OBSL1: variants seen among roughly 807,000 people sequenced by gnomAD.
OBSL1 encodes obscurin-like protein 1.
A neutral mutation model predicts 172.0 loss-of-function variants in OBSL1; 160 were observed. The ratio of observed to expected loss-of-function variants is 0.93; its 90% confidence interval spans 0.82 to 1.06. OBSL1 has a LOEUF of 1.06. Ranked by LOEUF, OBSL1 falls within the 50% of genes least tolerant of loss-of-function variation. The pLI is 0.00. For synonymous variants in OBSL1, 1,200 were observed against 1,196.3 expected (o/e 1.00, Z -0.06); for missense variants, 2,681 against 2,715.4 (o/e 0.99, Z 0.28).
Position 219,571,462 on chromosome 2 carries a change from G to C in OBSL1, c.-230C>G, listed in dbSNP as rs1266261428. 9.9e-6 allele frequency: 3 copies of C among 303,318 alleles called. No individual in the cohort carries two copies. The highest frequency in any genetic ancestry group is 1.8e-5 in the Non-Finnish European group (3 of 165,616). 18.8% of individuals were successfully genotyped at this position (303,318 alleles called of 1,614,324 possible). A position where few individuals can be genotyped will look rare whatever the true frequency, so the allele number is the denominator to read the frequency against. ...TCCCGGGCCCGAAGCCTGGCGCTCA[G>C]GGGGCAGTCCTTCCTGTTTGCCTCT... On this transcript the variant is annotated 5_prime_UTR_variant, in exon 1 of 21. Coordinates refer to ENST00000404537, the MANE Select transcript of OBSL1 (RefSeq NM_015311.3).
chr2:219,553,166 G>T, intron 16 of OBSL1, 142 bp from the exon 17 acceptor site: 1 of 1,202,132 alleles, frequency 8.3e-7, no homozygotes, highest in Non-Finnish European at 1.1e-6. Context: ...GGCTGGGGTC[G>T]GACTGTCCCC....
intron 1 of OBSL1, chr2:219,569,381 ATAAC>A (rs2106109175): frequency 6.6e-6 from 1 of 152,356 alleles, no homozygotes; most frequent in East Asian, 1.9e-4. Flanking sequence ...AAACTGGACA[ATAAC>A]TAGTGAAGGT....
Position 219,552,970 on chromosome 2 carries a change from G to C in OBSL1, c.5044C>G (p.Arg1682Gly). The change falls in exon 17 of 21, where the codon CGC (arginine) becomes GGC (glycine). Residue 1682 changes from arginine (R) to glycine (G), a missense_variant. By Grantham distance (125) the Arg-to-Gly change is moderately radical. This residue lies in a region of OBSL1 where 1,765 missense variants were observed against 1,748.3 expected (regional missense o/e 1.01). Transcript: ENST00000404537. ...PRLRLQALGTRRLLQLRRCGP... is the reference protein window; with the variant it reads ...PRLRLQALGTGRLLQLRRCGP... The stretch of plus-strand genomic sequence containing the variant: ...CAGCGTCGCAGCTGGAGAAGGCGGC[G>C]CGTGCCGAGGGCCTGGAGCCGGAGC... The C allele has an allele frequency of 6.5e-7, 1 of 1,531,852 alleles. No individual in the cohort carries two copies. Among genetic ancestry groups the C allele is most frequent in the East Asian group, 2.5e-5 (1 of 39,950 alleles). The allele number at this position is 1,531,852 out of a possible 1,614,324, so 94.9% of individuals were successfully genotyped here.
chr2:219,553,724 G>T (rs754476402), intron 15 of OBSL1, 38 bp from the exon 16 acceptor site: 1 of 1,453,424 alleles, frequency 6.9e-7, no homozygotes, highest in Non-Finnish European at 9.6e-7. Flanking sequence ...AGAGGGAGCA[G>T]GATGGGGACC....
At position 219,570,811 on chromosome 2, in the gene OBSL1, C is replaced by A. The variant is rs950561387; in HGVS notation, c.422G>T (p.Arg141Leu). The A allele has an allele frequency of 2.0e-6, 3 of 1,485,214 alleles. No individual in the cohort carries two copies. The highest frequency in any genetic ancestry group is 1.5e-5 in the African/African-American group (1 of 68,788). The allele number at this position is 1,485,214 out of a possible 1,614,324, so 92.0% of individuals were successfully genotyped here. A position where few individuals can be genotyped will look rare whatever the true frequency, so the allele number is the denominator to read the frequency against. Residue 141 changes from arginine to leucine, a missense_variant, in exon 1 of 21, where the codon CGG becomes CTG. By Grantham distance (102) the Arg-to-Leu change is moderately radical (BLOSUM62 -2). This residue lies in a region of OBSL1 where 706 missense variants were observed against 695.8 expected (regional missense o/e 1.01). Coordinates refer to ENST00000404537, the MANE Select transcript of OBSL1 (RefSeq NM_015311.3). Reference protein sequence around the residue: ...LTGPRSQWVLRGAEVVLTCRA... With the variant: ...LTGPRSQWVLLGAEVVLTCRA... ...GCACGTCAGCACCACCTCCGCCCCC[C>A]GCAGCACCCACTGGGATCGAGGCCC...
rs962586335 is a variant in OBSL1, at chr2:219,550,806, G to A, written c.*29C>T. On this transcript the variant is annotated 3_prime_UTR_variant, in exon 21 of 21. Coordinates refer to ENST00000404537, the MANE Select transcript of OBSL1 (RefSeq NM_015311.3). Reference sequence around the variant, plus strand: ...GGCAAACGCCTTCCAAGCTGTCCAAGGGCACCCGCCTGGCCTGGTTAGGTT... The same window carrying A: ...GGCAAACGCCTTCCAAGCTGTCCAAAGGCACCCGCCTGGCCTGGTTAGGTT... 30 of 1,609,058 alleles carry A rather than the reference G, an allele frequency of 1.9e-5. No homozygotes were observed. The highest frequency in any genetic ancestry group is 2.5e-5 in the Non-Finnish European group (30 of 1,177,904).
Position 219,553,654 on chromosome 2 carries a change from C to T in OBSL1, c.4909G>A (p.Asp1637Asn), listed in dbSNP as rs753356436. ...GTGTCGCCCTCGGTCACCTCTAGGTCGTGTGGCCCCCGCACGATGGTCACT... is the reference window on the plus strand; with the variant it reads ...GTGTCGCCCTCGGTCACCTCTAGGTTGTGTGGCCCCCGCACGATGGTCACT... The part of the protein sequence containing the change: ...VPVTIVRGPH[D>N]LEVTEGDTAT... Residue 1637 changes from aspartate to asparagine, a missense_variant, in exon 16 of 21, where the codon GAC becomes AAC. Physicochemically the swap from Asp to Asn is conservative, Grantham distance 23 (BLOSUM62 1). This residue lies in a region of OBSL1 where 1,765 missense variants were observed against 1,748.3 expected (regional missense o/e 1.01). Transcript: ENST00000404537. The T allele has an allele frequency of 6.2e-7, 1 of 1,613,758 alleles. No individual in the cohort carries two copies. The highest frequency in any genetic ancestry group is 8.5e-7 in the Non-Finnish European group (1 of 1,179,852).
chr2:219,569,675 A>G (rs1317647648), intron 1 of OBSL1, among the ~76,000 whole-genome samples: 1 of 152,224 alleles, frequency 6.6e-6, no homozygotes, highest in Admixed American at 6.5e-5. Flanking sequence ...TCTCAAGGTG[A>G]CAGATGCAGC....
At chr2:219,556,387 C>T (rs1285506873) in intron 13 of OBSL1, 67 bp downstream of exon 13, 2 of 1,594,246 alleles carry the variant, frequency 1.3e-6, no homozygotes, top group East Asian at 4.5e-5. Flanking sequence ...AGAGGCAAGG[C>T]TGCTGGAATC....
Position 219,570,740 on chromosome 2 carries a change from C to T in OBSL1, c.493G>A (p.Gly165Arg), listed in dbSNP as rs1697289004. The stretch of plus-strand genomic sequence containing the variant: ...TCCCACACTTCGTCCAGGGCCATCC[C>T]GTCCTTCTCCCAGTACAGTGTGGGC... ...PEPTLYWEKDGMALDEVWDSS... is the reference protein window; with the variant it reads ...PEPTLYWEKDRMALDEVWDSS... Residue 165 changes from glycine to arginine, a missense_variant, in exon 1 of 21, where the codon GGG becomes AGG. Coordinates refer to ENST00000404537, the MANE Select transcript of OBSL1 (RefSeq NM_015311.3). 1.3e-6 allele frequency: 2 copies of T among 1,510,512 alleles called. No individual in the cohort carries two copies. Among genetic ancestry groups the T allele is most frequent in the Non-Finnish European group, 1.8e-6 (2 of 1,136,510 alleles). The allele number at this position is 1,510,512 out of a possible 1,614,324, so 93.6% of individuals were successfully genotyped here. A position where few individuals can be genotyped will look rare whatever the true frequency, so the allele number is the denominator to read the frequency against.
At chr2:219,562,814 A>T in intron 7 of OBSL1, 140 bp from the exon 8 acceptor site, 2 of 821,316 alleles carry the variant, frequency 2.4e-6, no homozygotes, top group Non-Finnish European at 1.9e-6. Context: ...ACAGCAGCTG[A>T]CAGTTACTCA....
At chr2:219,551,173 GA>G in intron 20 of OBSL1, 1 of 1,391,714 alleles carries the variant, frequency 7.2e-7, no homozygotes, top group Non-Finnish European at 9.3e-7. Flanking sequence ...CAGGAAGGAG[GA>G]GGGACAGGCT....
intron 20 of OBSL1, 99 bp from the exon 21 acceptor site, chr2:219,550,941 C>T (rs1171614143): frequency 1.9e-6 from 3 of 1,554,396 alleles, no homozygotes; most frequent in East Asian, 4.8e-5. Flanking sequence ...AGAGCTGGGC[C>T]CCCAGGTTCT....
At chr2:219,551,177 G>A in intron 20 of OBSL1, 2 of 1,389,996 alleles carry the variant, frequency 1.4e-6, no homozygotes, top group Non-Finnish European at 9.3e-7. Context: ...AAGGAGGAGG[G>A]ACAGGCTGGA....
At chr2:219,561,605 C>A in intron 8 of OBSL1, 1 of 469,970 alleles carries the variant, frequency 2.1e-6, no homozygotes, top group Non-Finnish European at 3.9e-6. Context: ...TGTCTGCGTG[C>A]TGCTGGCTCC....
chr2:219,570,298 T>G lies in OBSL1; in HGVS notation c.935A>C (p.Lys312Thr), dbSNP rs1697244489. ...FVLKVLYCQA[K>T]DRGLYVCAAR... Reference sequence around the variant, plus strand: ...GGCGCAGACGTAGAGCCCACGATCCTTGGCCTGGCAGTAAAGCACCTTGAG... The same window carrying G: ...GGCGCAGACGTAGAGCCCACGATCCGTGGCCTGGCAGTAAAGCACCTTGAG... The change falls in exon 1 of 21, where the codon AAG (lysine) becomes ACG (threonine). Residue 312 changes from lysine to threonine, a missense_variant. Physicochemically the swap from Lys to Thr is moderately conservative, Grantham distance 78 (BLOSUM62 -1). Around this residue, in one of 5 missense-constraint regions of OBSL1, gnomAD observed 706 missense variants for 695.8 expected, o/e 1.01. Transcript: ENST00000404537. 3 of 1,610,126 alleles carry G rather than the reference T, an allele frequency of 1.9e-6. No individual in the cohort carries two copies. The Admixed American group carries it at 5.0e-5, about 27-fold the overall frequency.
At chr2:219,552,737 G>A in intron 17 of OBSL1, 40 bp from the exon 18 acceptor site, 1 of 1,513,828 alleles carries the variant, frequency 6.6e-7, no homozygotes, top group South Asian at 1.2e-5. Flanking sequence ...CGGGGCAGAG[G>A]GCAGTTACCG....
chr2:219,547,400 T>C, downstream of OBSL1: 1 of 917,376 alleles, frequency 1.1e-6, no homozygotes, highest in Non-Finnish European at 1.5e-6. Context: ...TCTTAGTGTC[T>C]TTGTCTCTGG....
At chr2:219,549,368 G>T, downstream of OBSL1, 2 of 1,602,386 alleles carry the variant, frequency 1.2e-6, no homozygotes, top group Non-Finnish European at 1.7e-6. Flanking sequence ...AGCTCCCTGA[G>T]CCCATCCAGC....
Sources: gnomAD v4.1 joint callset for allele counts (sites outside exome capture counted in the v4.1 genomes callset) on GRCh38, gnomAD v4.1.1 for gene constraint, gnomAD v4.1.1 regional missense constraint, MANE v1.5 for transcripts, NCBI Gene and HGNC (gene_info 2026-07-23, HGNC 2026-07-21) for gene names.